The following MATR3 variants were observed in gnomAD, a reference collection of about 807,000 sequenced individuals.
MATR3 encodes matrin 3, also known as matrin-3.
A neutral mutation model predicts 85.5 loss-of-function variants in MATR3; 4 were observed. The ratio of observed to expected loss-of-function variants is 0.05; its 90% CI spans 0.02 to 0.11. The LOEUF (loss-of-function observed/expected upper bound fraction) is 0.11, where lower values mean the gene tolerates loss of function less well. Among genes scored for constraint, MATR3 ranks in the 10% least tolerant of loss-of-function variants. The pLI is 1.00. For missense variants in MATR3, 685 were observed against 1,016.1 expected (o/e 0.67, Z 4.43); for synonymous variants, 336 against 343.1 (o/e 0.98, Z 0.23).
intron 6 of MATR3, 97 bp from the exon 7 acceptor site, chr5:139,317,499 C>T: frequency 1.7e-6 from 2 of 1,206,632 alleles, no homozygotes; most frequent in South Asian, 1.3e-5. Flanking sequence ...TTACACTCTC[C>T]TGGTTAATTA....
chr5:139,322,360 G>T, intron 10 of MATR3, 103 bp from the exon 11 acceptor site: 1 of 1,090,566 alleles, frequency 9.2e-7, no homozygotes, highest in Non-Finnish European at 1.4e-6. Flanking sequence ...TACGGGAATT[G>T]AATAAGCTGA....
chr5:139,306,964 A>T (rs1233456314), intron 1 of MATR3, among the ~76,000 whole-genome samples: 1 of 152,160 alleles, frequency 6.6e-6, no homozygotes, highest in Admixed American at 6.5e-5. Context: ...ATTTTGATGT[A>T]CTCAGACATC....
intron 1 of MATR3, chr5:139,274,346 C>T: frequency 2.9e-6 from 1 of 345,342 alleles, no homozygotes. Flanking sequence ...TACCATCCCT[C>T]TTCCCTCTTC....
rs1175972721 is a variant in MATR3 at position 139,320,743 on chromosome 5, CTT to C, written c.1603-1134_1603-1133del. On this transcript the variant is annotated intron_variant, in intron 9 of 14. Coordinates refer to ENST00000394805, the MANE Select transcript of MATR3 (RefSeq NM_018834.6). ...CTATTTTAATATCTTAAGCTTATTA[CTT>C]TTTTTTTTTTTTTTTTTTTTGAGAC... Among the ~76,000 whole-genome samples, 287 of 102,400 alleles carry C rather than the reference CTT, an allele frequency of 2.8e-3. 1 individual carries two copies. The highest frequency in any genetic ancestry group is 0.011 in the African/African-American group (236 of 20,706). The allele number at this position is 102,400 out of a possible 152,430, so 67.2% of individuals were successfully genotyped here.
intron 3 of MATR3, among the ~76,000 whole-genome samples, chr5:139,287,389 C>T (rs1753738380): frequency 6.6e-6 from 1 of 152,140 alleles, no homozygotes; most frequent in African/African-American, 2.4e-5. Flanking sequence ...GAGGCCAAGG[C>T]GGGTGGATCA....
chr5:139,317,662 C>G lies in MATR3; in HGVS notation c.1249C>G (p.Gln417Glu). Residue 417 changes from glutamine (Q) to glutamate (E), a missense_variant, in exon 7 of 15, where the codon CAG becomes GAG. Coordinates refer to ENST00000394805, the MANE Select transcript of MATR3 (RefSeq NM_018834.6). Reference protein sequence around the residue: ...RGKNLRYQLLQLVEPFGVISN... With the variant: ...RGKNLRYQLLELVEPFGVISN... ...GAAAAACTTGAGATACCAGCTATTA[C>G]AGCTGGTAGAACCATTTGGAGTCAT... is the stretch of plus-strand genomic sequence containing the variant. 6.2e-7 allele frequency: 1 copy of G among 1,607,834 alleles called. No individual in the cohort carries two copies. The highest frequency in any genetic ancestry group is 8.5e-7 in the Non-Finnish European group (1 of 1,176,140).
At chr5:139,323,725 C>A (rs1393238180) in intron 12 of MATR3, among the ~76,000 whole-genome samples, 1 of 152,124 alleles carries the variant, frequency 6.6e-6, no homozygotes, top group East Asian at 1.9e-4. Flanking sequence ...GAAACCCCGT[C>A]TCTACTAAAA....
chr5:139,322,911 A>C lies in MATR3; in HGVS notation c.2092A>C (p.Lys698Gln). 1 of 1,614,052 alleles carries C rather than the reference A, an allele frequency of 6.2e-7. No homozygotes were observed. Among genetic ancestry groups the C allele is most frequent in the Non-Finnish European group, 8.5e-7 (1 of 1,180,002 alleles). Residue 698 changes from lysine (K) to glutamine (Q), a missense_variant, in exon 12 of 15, where the codon AAA (lysine) becomes CAA (glutamine). Transcript: ENST00000394805. ...TGATGGGAAAAAGGAACCATCAGATAAAGCTGTGAAAAAAGATGGAAGTGC... is the reference window on the plus strand; with the variant it reads ...TGATGGGAAAAAGGAACCATCAGATCAAGCTGTGAAAAAAGATGGAAGTGC... ...ASDGKKEPSD[K>Q]AVKKDGSASA...
Position 139,307,870 on chromosome 5 carries a change from A to G in MATR3, c.455A>G (p.Glu152Gly). 6.2e-7 allele frequency: 1 copy of G among 1,614,098 alleles called. No individual in the cohort carries two copies. ...CAGCTTAAAAGGAGGAGAACTGAAGAAGGCCCTACCTTGAGTTATGGTAGA... is the reference window on the plus strand; with the variant it reads ...CAGCTTAAAAGGAGGAGAACTGAAGGAGGCCCTACCTTGAGTTATGGTAGA... Reference protein sequence around the residue: ...LLQLKRRRTEEGPTLSYGRDG... With the variant: ...LLQLKRRRTEGGPTLSYGRDG... The change falls in exon 2 of 15, where the codon GAA becomes GGA. Residue 152 changes from glutamate (E) to glycine (G), a missense_variant. Physicochemically the swap from Glu to Gly is moderately conservative, Grantham distance 98 (BLOSUM62 -2). Transcript: ENST00000394805. This position sits in a 1 kb window ranked among gnomAD's most constrained non-coding sequence, Gnocchi z 4.4.
intron 3 of MATR3, among the ~76,000 whole-genome samples, chr5:139,284,856 T>C (rs562368264): frequency 1.3e-5 from 2 of 152,308 alleles, no homozygotes; most frequent in South Asian, 4.1e-4. Flanking sequence ...AATTATAATA[T>C]GTTATTATTC....
At chr5:139,304,053 G>A (rs1754589477) in intron 1 of MATR3, among the ~76,000 whole-genome samples, 1 of 152,082 alleles carries the variant, frequency 6.6e-6, no homozygotes, top group African/African-American at 2.4e-5. Context: ...TAACTGAAAC[G>A]TTTCCTAACC....
In MATR3 at chr5:139,330,015, A is replaced by G. The variant is rs1346049090; in HGVS notation, c.*620A>G. The G allele has an allele frequency of 2.2e-6, 1 of 453,690 alleles. No individual in the cohort carries two copies. Among genetic ancestry groups the G allele is most frequent in the East Asian group, 7.0e-5 (1 of 14,384 alleles). The allele number at this position is 453,690 out of a possible 1,614,324, so 28.1% of individuals were successfully genotyped here. A position where few individuals can be genotyped will look rare whatever the true frequency, so the allele number is the denominator to read the frequency against. ...ATTTTTTTCCCTGAGTTCCTGCTAG[A>G]TTTCGTATTCTAGTAGTCAATGTAT... On this transcript the variant is annotated 3_prime_UTR_variant, in exon 15 of 15. Coordinates refer to ENST00000394805, the MANE Select transcript of MATR3 (RefSeq NM_018834.6).
In MATR3 at chr5:139,317,090, G is replaced by A; in HGVS notation, c.1167G>A (p.Met389Ile). 1 of 1,614,048 alleles carries A rather than the reference G, an allele frequency of 6.2e-7. No homozygotes were observed. The highest frequency in any genetic ancestry group is 8.5e-7 in the Non-Finnish European group (1 of 1,179,958). ...GNGNLQGPRH[M>I]QKGRVETSRV... Reference sequence around the variant, plus strand: ...GAAACCTGCAAGGACCTAGACACATGCAGAAAGGCAGAGTGGTCAGTAATG... The same window carrying A: ...GAAACCTGCAAGGACCTAGACACATACAGAAAGGCAGAGTGGTCAGTAATG... Residue 389 changes from methionine (M) to isoleucine (I), a missense_variant, in exon 6 of 15, where the codon ATG becomes ATA. This residue lies in a region of MATR3 where 223 missense variants were observed against 334.4 expected (regional missense o/e 0.67). Coordinates refer to ENST00000394805, the MANE Select transcript of MATR3 (RefSeq NM_018834.6).
chr5:139,316,070 T>C lies in MATR3; in HGVS notation c.1017-6T>C. ...TGATTTATATTTTATGTCTTCACTT[T>C]ACTAGGGGTGATCCATTCATGTTGC... On this transcript the variant is annotated splice_polypyrimidine_tract_variant and splice_region_variant and intron_variant, in intron 4 of 14. Transcript: ENST00000394805. 6.5e-7 allele frequency: 1 copy of C among 1,548,812 alleles called. No individual in the cohort carries two copies. Among genetic ancestry groups the C allele is most frequent in the East Asian group, 2.2e-5 (1 of 44,750 alleles).
intron 2 of MATR3, chr5:139,313,225 AC>A (rs1755081888): frequency 6.6e-6 from 1 of 152,098 alleles, no homozygotes; most frequent in South Asian, 2.1e-4. Context: ...TGTGGGTGTT[AC>A]AGAAATTACC....
intron 1 of MATR3, among the ~76,000 whole-genome samples, chr5:139,297,038 G>T (rs113054962): frequency 2.6e-5 from 4 of 152,162 alleles, no homozygotes; most frequent in Admixed American, 6.5e-5. Flanking sequence ...CGGGCGTGGT[G>T]GCAGGCACCT....
In MATR3 at chr5:139,316,135, C is replaced by T. The variant is rs1354451334; in HGVS notation, c.1076C>T (p.Pro359Leu). 1 of 1,613,868 alleles carries T rather than the reference C, an allele frequency of 6.2e-7. No individual in the cohort carries two copies. The highest frequency in any genetic ancestry group is 8.5e-7 in the Non-Finnish European group (1 of 1,180,018). ...TNPAPGILGPPPPSFHLGGPA... is the reference protein window; with the variant it reads ...TNPAPGILGPLPPSFHLGGPA... ...CCAGCACCAGGAATTCTGGGACCTC[C>T]ACCTCCCTCATTTCATCTTGGGGGA... The change falls in exon 5 of 15, where the codon CCA becomes CTA. Residue 359 changes from proline to leucine, a missense_variant. Around this residue, in one of 9 missense-constraint regions of MATR3, gnomAD observed 223 missense variants for 334.4 expected, o/e 0.67. Transcript: ENST00000394805.
At chr5:139,293,930 G>T in intron 1 of MATR3, 125 bp downstream of exon 1, 1 of 1,214,480 alleles carries the variant, frequency 8.2e-7, no homozygotes, top group Non-Finnish European at 1.0e-6. Flanking sequence ...GCTCGCTCCC[G>T]CTCTGCCTCC....
At chr5:139,294,231 C>T in intron 1 of MATR3, 2 of 422,734 alleles carry the variant, frequency 4.7e-6, no homozygotes, top group Non-Finnish European at 8.1e-6. Context: ...GAGGGACAGA[C>T]TGTACACTGG....
Sources: allele counts gnomAD v4.1 joint callset (sites outside exome capture counted in the v4.1 genomes callset), GRCh38; gene constraint gnomAD v4.1.1; regional missense constraint gnomAD v4.1.1; non-coding constraint Gnocchi (gnomAD v3.1); transcripts MANE v1.5; gene names NCBI Gene and HGNC (gene_info 2026-07-23, HGNC 2026-07-21).